Variants in UGT2B7 observed in about 807,000 individuals in gnomAD.
UGT2B7 encodes UDP glucuronosyltransferase family 2 member B7, also known as UDP-glucuronosyltransferase 2B7.
UGT2B7 carries 51 observed loss-of-function variants against 51.9 expected under a neutral mutation model. The ratio of observed to expected loss-of-function variants is 0.98; its 90% CI spans 0.78 to 1.24. UGT2B7 has a LOEUF of 1.24. Ranked by LOEUF, UGT2B7 falls within the 50% of genes most tolerant of loss-of-function variation. The pLI, the probability that UGT2B7 is intolerant of heterozygous loss-of-function variation, is 0.00. For missense variants in UGT2B7, 727 were observed against 628.4 expected (o/e 1.16, Z -1.68); for synonymous variants, 225 against 211.6 (o/e 1.06, Z -0.55).
chr4:69,088,632 G>T (rs922285100), intron 1 of UGT2B7, among the ~76,000 whole-genome samples: 2 of 152,002 alleles, frequency 1.3e-5, no homozygotes, highest in African/African-American at 4.8e-5. Flanking sequence ...TTGGATTTTG[G>T]CCCCTGCAGT....
intron 1 of UGT2B7, among the ~76,000 whole-genome samples, chr4:69,077,446 C>T (rs1176396893): frequency 6.6e-6 from 1 of 152,060 alleles, no homozygotes; most frequent in Admixed American, 6.6e-5. Context: ...TATTTGTGTC[C>T]TGTCTTATTT....
intron 1 of UGT2B7, among the ~76,000 whole-genome samples, chr4:69,066,169 C>CT (rs937121088): frequency 2.0e-5 from 3 of 152,082 alleles, no homozygotes; most frequent in Non-Finnish European, 2.9e-5. Context: ...AAGGTACATA[C>CT]TTTTTTAAAA....
intron 1 of UGT2B7, among the ~76,000 whole-genome samples, chr4:69,067,068 C>A (rs1718496046): frequency 6.6e-6 from 1 of 152,070 alleles, no homozygotes; most frequent in Non-Finnish European, 1.5e-5. Flanking sequence ...TGGCATGCAT[C>A]CTGCTTCTTT....
intron 1 of UGT2B7, among the ~76,000 whole-genome samples, chr4:69,055,872 C>A (rs1026201444): frequency 6.6e-6 from 1 of 152,178 alleles, no homozygotes; most frequent in African/African-American, 2.4e-5. Context: ...CTGTCTTAGA[C>A]AAAAGCTCTA....
intron 1 of UGT2B7, among the ~76,000 whole-genome samples, chr4:69,076,500 T>C (rs568223919): frequency 2.0e-5 from 3 of 152,344 alleles, no homozygotes; most frequent in South Asian, 4.1e-4. Flanking sequence ...TGGTATTTCA[T>C]TGTGGTTTTA....
intron 1 of UGT2B7, among the ~76,000 whole-genome samples, chr4:69,062,415 G>C (rs1018489838): frequency 3.3e-5 from 5 of 152,212 alleles, no homozygotes; most frequent in Non-Finnish European, 7.3e-5. Flanking sequence ...ATGCCTATAA[G>C]TCTGGCAGAC....
At position 69,112,580 on chromosome 4, in the gene UGT2B7, T is replaced by G. The variant is rs778268284; in HGVS notation, c.1434T>G (p.Val478=). The G allele has an allele frequency of 1.2e-5, 19 of 1,613,894 alleles. No individual in the cohort carries two copies. Among genetic ancestry groups the G allele is most frequent in the Admixed American group, 1.0e-4 (6 of 59,994 alleles). Residue 478 remains valine (V), a synonymous_variant, in exon 6 of 6, where the codon GTT becomes GTG. Coordinates refer to ENST00000305231, the MANE Select transcript of UGT2B7 (RefSeq NM_001074.4). ...ACAAAGGAGCTAAACACCTTCGGGT[T>G]GCAGCCCACGACCTCACCTGGTTCC... is the stretch of plus-strand genomic sequence containing the variant. The part of the protein sequence containing the change: ...MRHKGAKHLR[V]AAHDLTWFQY...
chr4:69,107,105 T>C (rs1719622971), intron 3 of UGT2B7, 70 bp from the exon 4 acceptor site: 4 of 1,497,292 alleles, frequency 2.7e-6, no homozygotes, highest in Admixed American at 1.8e-5. Flanking sequence ...TCCTACTCTT[T>C]ATACAGTTCT....
At chr4:69,059,843 C>T (rs1718303831) in intron 1 of UGT2B7, among the ~76,000 whole-genome samples, 2 of 152,242 alleles carry the variant, frequency 1.3e-5, no homozygotes, top group African/African-American at 4.8e-5. Context: ...CGGTGACCAT[C>T]CACCCAGTGG....
At chr4:69,088,536 T>G (rs573631852) in intron 1 of UGT2B7, among the ~76,000 whole-genome samples, 1 of 152,278 alleles carries the variant, frequency 6.6e-6, no homozygotes, top group South Asian at 2.1e-4. Flanking sequence ...TAATCTCAAA[T>G]GTTATACTTG....
At chr4:69,102,725 CTT>C in intron 2 of UGT2B7, 80 bp from the exon 3 acceptor site, 1 of 1,551,886 alleles carries the variant, frequency 6.4e-7, no homozygotes, top group African/African-American at 1.4e-5. Flanking sequence ...GATTTTCTCT[CTT>C]TAGTAATTTG....
In UGT2B7 at chr4:69,070,208, C is replaced by A. The variant is rs527982505; in HGVS notation, c.-159+18606C>A. Among the ~76,000 whole-genome samples the A allele has an allele frequency of 1.7e-4, 25 of 147,452 alleles. No homozygotes were observed. The South Asian group carries it at 4.8e-3, about 28-fold the overall frequency. On this transcript the variant is annotated intron_variant, in intron 1 of 5. Transcript: ENST00000502942. ...GCTATACTGTGCATTTCAAAAAAAC[C>A]TCTTCTTTTATATATATATTTATAT...
chr4:69,084,133 A>T (rs2109875410), intron 1 of UGT2B7, among the ~76,000 whole-genome samples: 1 of 152,256 alleles, frequency 6.6e-6, no homozygotes, highest in South Asian at 2.1e-4. Flanking sequence ...TACTGATAAA[A>T]TTATATGTTT....
chr4:69,055,975 C>T (rs938070203), intron 1 of UGT2B7, among the ~76,000 whole-genome samples: 1 of 152,118 alleles, frequency 6.6e-6, no homozygotes, highest in African/African-American at 2.4e-5. Context: ...ACTGTTTAGG[C>T]CCACCCAGAA....
chr4:69,072,226 C>G (rs1462660347), intron 1 of UGT2B7, among the ~76,000 whole-genome samples: 7 of 152,044 alleles, frequency 4.6e-5, no homozygotes, highest in Non-Finnish European at 7.4e-5. Flanking sequence ...GAGATTGATT[C>G]TAAAAGCTTT....
At chr4:69,064,573 A>G (rs6827692) in intron 1 of UGT2B7, among the ~76,000 whole-genome samples, 147,824 of 152,288 alleles carry the variant, frequency 0.97, 71,759 homozygotes, top group East Asian at 1. Context: ...GTTATGAACT[A>G]TCACAATTTG....
At chr4:69,064,859 C>T (rs1718454036) in intron 1 of UGT2B7, among the ~76,000 whole-genome samples, 1 of 152,020 alleles carries the variant, frequency 6.6e-6, no homozygotes, top group Non-Finnish European at 1.5e-5. Flanking sequence ...AAGAGTGTTG[C>T]TGATTGGTAA....
Position 69,098,552 on chromosome 4 carries a change from C to T in UGT2B7, c.734C>T (p.Thr245Ile). Residue 245 changes from threonine to isoleucine, a missense_variant, in exon 2 of 6, where the codon ACA (threonine) becomes ATA (isoleucine). Coordinates refer to ENST00000305231, the MANE Select transcript of UGT2B7 (RefSeq NM_001074.4). ...CTATTCCTGTCAGGAAGACCCACTA[C>T]ATTATCTGAGACAATGGGGAAAGCT... ...FYSEVLGRPTTLSETMGKADV... is the reference protein window; with the variant it reads ...FYSEVLGRPTILSETMGKADV... 1 of 1,604,996 alleles carries T rather than the reference C, an allele frequency of 6.2e-7. No individual in the cohort carries two copies. The highest frequency in any genetic ancestry group is 1.1e-5 in the South Asian group (1 of 89,372).
At chr4:69,102,723 CTCT>C in intron 2 of UGT2B7, 81 bp from the exon 3 acceptor site, 2 of 1,538,902 alleles carry the variant, frequency 1.3e-6, no homozygotes, top group Non-Finnish European at 1.7e-6. Context: ...TGGATTTTCT[CTCT>C]TTAGTAATTT....
Sources: allele counts gnomAD v4.1 joint callset (sites outside exome capture counted in the v4.1 genomes callset), GRCh38; gene constraint gnomAD v4.1.1; transcripts MANE v1.5; gene names NCBI Gene and HGNC (gene_info 2026-07-23, HGNC 2026-07-21).